Variants in FAM216A observed in about 807,000 individuals in gnomAD.
FAM216A encodes protein FAM216A.
A neutral mutation model predicts 37.6 loss-of-function variants in FAM216A; 26 were observed. That is an observed-to-expected ratio of 0.69 (90% CI 0.51 to 0.96). FAM216A has a LOEUF of 0.96. FAM216A is among the 40% of genes least tolerant of loss of function. The pLI is 0.00. For synonymous variants in FAM216A, 110 were observed against 121.7 expected (o/e 0.90, Z 0.64); for missense variants, 326 against 339.3 (o/e 0.96, Z 0.31).
intron 2 of FAM216A, among the ~76,000 whole-genome samples, chr12:110,479,333 A>T (rs1206078028): frequency 6.6e-6 from 1 of 152,188 alleles, no homozygotes; most frequent in African/African-American, 2.4e-5. Flanking sequence ...ATACATACCC[A>T]TACATATCTA....
Position 110,489,767 on chromosome 12 carries a change from G to T in FAM216A, c.704-252G>T, listed in dbSNP as rs868525484. Among the ~76,000 whole-genome samples the T allele has an allele frequency of 2.0e-5, 3 of 152,278 alleles. No individual in the cohort carries two copies. The Middle Eastern group carries it at 0.01, about 518-fold the overall frequency. On this transcript the variant is annotated intron_variant, in intron 6 of 6. Transcript: ENST00000377673. Reference sequence around the variant, plus strand: ...CCACTTTAATTTCCCCCAACTGAAAGATTTTGAAAATCAATGGTAAAACAG... The same window carrying T: ...CCACTTTAATTTCCCCCAACTGAAATATTTTGAAAATCAATGGTAAAACAG...
intron 5 of FAM216A, 121 bp downstream of exon 5, chr12:110,486,838 C>A: frequency 2.3e-6 from 2 of 876,072 alleles, no homozygotes; most frequent in Non-Finnish European, 3.4e-6. Context: ...TTACTGTATT[C>A]TCAAACTCCT....
intron 2 of FAM216A, among the ~76,000 whole-genome samples, chr12:110,475,780 C>T (rs981933366): frequency 2.0e-5 from 3 of 151,988 alleles, no homozygotes; most frequent in Admixed American, 6.6e-5. Context: ...ACTCTATCCC[C>T]CAGGCAGGAG....
In FAM216A at chr12:110,486,426, C is replaced by T. The variant is rs549441677; in HGVS notation, c.408C>T (p.His136=). 30 of 1,613,672 alleles carry T rather than the reference C, an allele frequency of 1.9e-5. No individual in the cohort carries two copies. The highest frequency in any genetic ancestry group is 1.4e-4 in the South Asian group (13 of 91,072). ...TGTTAATGAAGAGGCAGTACATGCA[C>T]GTACTTCAGCACAGCTCACAAAAGC... is the stretch of plus-strand genomic sequence containing the variant. ...LKMLMKRQYM[H]VLQHSSQKPG... The change falls in exon 4 of 7, where the codon CAC becomes CAT. Residue 136 remains histidine, a synonymous_variant. Transcript: ENST00000377673.
chr12:110,472,819 C>G (rs2062693763), intron 1 of FAM216A, among the ~76,000 whole-genome samples: 1 of 151,188 alleles, frequency 6.6e-6, no homozygotes, highest in African/African-American at 2.4e-5. Context: ...ACCGTCTGTA[C>G]TAAAAATACA....
chr12:110,481,636 T>C (rs1395085001), intron 2 of FAM216A, among the ~76,000 whole-genome samples: 2 of 152,064 alleles, frequency 1.3e-5, no homozygotes, highest in African/African-American at 2.4e-5. Context: ...GTACTGGGGT[T>C]ATACAGGCAT....
At chr12:110,479,239 A>G (rs2062732663) in intron 2 of FAM216A, among the ~76,000 whole-genome samples, 2 of 151,968 alleles carry the variant, frequency 1.3e-5, no homozygotes, top group Non-Finnish European at 2.9e-5. Context: ...AGGTGTGCTT[A>G]TTTATAATAT....
chr12:110,485,285 G>C, intron 3 of FAM216A, 86 bp downstream of exon 3: 1 of 1,229,714 alleles, frequency 8.1e-7, no homozygotes, highest in Non-Finnish European at 1.1e-6. Context: ...CTTAGAGGGT[G>C]AGATACTGCA....
Position 110,489,961 on chromosome 12 carries a change from T to C in FAM216A, c.704-58T>C. The C allele has an allele frequency of 4.8e-6, 4 of 827,986 alleles. No individual in the cohort carries two copies. In the South Asian group the frequency reaches 5.7e-5, roughly 12 times the overall value. The allele number at this position is 827,986 out of a possible 1,614,324, so 51.3% of individuals were successfully genotyped here. A position where few individuals can be genotyped will look rare whatever the true frequency, so the allele number is the denominator to read the frequency against. On this transcript the variant is annotated intron_variant, in intron 6 of 6. Coordinates refer to ENST00000377673, the MANE Select transcript of FAM216A (RefSeq NM_013300.3). ...TTAATAAGCCAGGTCATTTTGAAAG[T>C]TGTACTTAGAGCTTTATTTCCAAAA...
intron 6 of FAM216A, among the ~76,000 whole-genome samples, chr12:110,488,586 CTTTTA>C (rs768735691): frequency 6.6e-6 from 1 of 152,128 alleles, no homozygotes; most frequent in Non-Finnish European, 1.5e-5. Flanking sequence ...AACAGCACTT[CTTTTA>C]TGAGTTAGTG....
intron 6 of FAM216A, among the ~76,000 whole-genome samples, chr12:110,488,817 TAAC>T (rs959567827): frequency 3.5e-4 from 53 of 152,276 alleles, no homozygotes; most frequent in Non-Finnish European, 5.0e-4. Context: ...ATAAAGAGAT[TAAC>T]AACAATAAAT....
chr12:110,481,379 C>G (rs2062746182), intron 2 of FAM216A, among the ~76,000 whole-genome samples: 1 of 152,192 alleles, frequency 6.6e-6, no homozygotes, highest in Admixed American at 6.5e-5. Context: ...CAGTCTCACT[C>G]TGTCACCCAG....
At chr12:110,479,161 C>G (rs1029149142) in intron 2 of FAM216A, among the ~76,000 whole-genome samples, 5 of 145,634 alleles carry the variant, frequency 3.4e-5, no homozygotes, top group Non-Finnish European at 7.5e-5. Flanking sequence ...GAGACTCTGT[C>G]TCAAAAAAAA....
At chr12:110,489,420 C>T (rs769462894) in intron 6 of FAM216A, among the ~76,000 whole-genome samples, 11 of 151,176 alleles carry the variant, frequency 7.3e-5, no homozygotes, top group Admixed American at 2.0e-4. Context: ...AGGAGAATGG[C>T]GTGAACCTGG....
intron 2 of FAM216A, among the ~76,000 whole-genome samples, chr12:110,478,757 A>C (rs1180051978): frequency 6.6e-6 from 1 of 152,052 alleles, no homozygotes; most frequent in Admixed American, 6.6e-5. Flanking sequence ...TAAGCAGAGA[A>C]CCCAGTGGAT....
intron 2 of FAM216A, among the ~76,000 whole-genome samples, chr12:110,475,009 TA>T (rs1408939074): frequency 6.6e-6 from 1 of 151,820 alleles, no homozygotes; most frequent in African/African-American, 2.4e-5. Flanking sequence ...AAAAATTAAT[TA>T]AAAAAAATTA....
At chr12:110,473,883 C>T (rs1448421625) in intron 2 of FAM216A, among the ~76,000 whole-genome samples, 1 of 152,172 alleles carries the variant, frequency 6.6e-6, no homozygotes, top group Non-Finnish European at 1.5e-5. Flanking sequence ...CCAAAGGTCT[C>T]TCACTAATTG....
intron 2 of FAM216A, among the ~76,000 whole-genome samples, chr12:110,482,071 T>C (rs1168159459): frequency 7.0e-6 from 1 of 142,272 alleles, no homozygotes; most frequent in Non-Finnish European, 1.5e-5. Context: ...CTTATTGAAT[T>C]CAACTAACTA....
chr12:110,469,262 A>G (rs1377969005), intron 1 of FAM216A: 1 of 427,632 alleles, frequency 2.3e-6, no homozygotes, highest in Non-Finnish European at 4.1e-6. Context: ...TGCAGTGGCC[A>G]CGAGGTGACT....
Sources: gnomAD v4.1 joint callset for allele counts (sites outside exome capture counted in the v4.1 genomes callset) on GRCh38, gnomAD v4.1.1 for gene constraint, MANE v1.5 for transcripts, NCBI Gene and HGNC (gene_info 2026-07-23, HGNC 2026-07-21) for gene names.